The following PABPC4L variants were observed in gnomAD, a reference collection of about 807,000 sequenced individuals.
The protein encoded by PABPC4L is polyadenylate-binding protein 4-like.
For synonymous variants in PABPC4L, 169 were observed against 164.1 expected (o/e 1.03, Z -0.23); for missense variants, 452 against 451.4 (o/e 1.00, Z -0.01).
the PABPC4L span, among the ~76,000 whole-genome samples, chr4:134,091,106 G>A: frequency 6.6e-6 from 1 of 152,096 alleles, no homozygotes; most frequent in Non-Finnish European, 1.5e-5. Flanking sequence ...AGAGAAGACT[G>A]AGGTCATTAT....
At chr4:134,190,857 G>A in the PABPC4L span, among the ~76,000 whole-genome samples, 2 of 151,924 alleles carry the variant, frequency 1.3e-5, no homozygotes, top group African/African-American at 2.4e-5. Context: ...TCTCCACATT[G>A]GCCAGGCTGG....
the PABPC4L span, among the ~76,000 whole-genome samples, chr4:134,015,887 C>A: frequency 4.6e-5 from 7 of 152,162 alleles, no homozygotes; most frequent in African/African-American, 1.7e-4. Flanking sequence ...CTCTACAGTT[C>A]TCATAACTTC....
the PABPC4L span, among the ~76,000 whole-genome samples, chr4:134,014,663 G>A: frequency 5.7e-4 from 87 of 152,026 alleles, no homozygotes; most frequent in African/African-American, 1.7e-3. Flanking sequence ...CTGCCCGATC[G>A]CCTCAGAAGC....
At chr4:134,041,705 T>A in the PABPC4L span, among the ~76,000 whole-genome samples, 3 of 151,836 alleles carry the variant, frequency 2.0e-5, no homozygotes, top group African/African-American at 7.3e-5. Flanking sequence ...CCAGAACTTA[T>A]AGTATAATTA....
the PABPC4L span, among the ~76,000 whole-genome samples, chr4:134,056,686 T>C: frequency 6.6e-6 from 1 of 152,002 alleles, no homozygotes; most frequent in Admixed American, 6.6e-5. Context: ...TATCCACATA[T>C]TTACTACTAG....
At chr4:134,201,810 T>C (rs1729900444), upstream of PABPC4L, 1 of 152,112 alleles carries the variant, frequency 6.6e-6, no homozygotes, top group South Asian at 2.1e-4. Context: ...CTTTTTAATA[T>C]TTTTTTTAAG....
chr4:134,189,445 TATAC>T, the PABPC4L span, among the ~76,000 whole-genome samples: 1 of 152,126 alleles, frequency 6.6e-6, no homozygotes, highest in African/African-American at 2.4e-5. Flanking sequence ...GGTATATATG[TATAC>T]ATACATATAT....
chr4:133,957,086 C>T, the PABPC4L span, among the ~76,000 whole-genome samples: 1 of 152,102 alleles, frequency 6.6e-6, no homozygotes, highest in Admixed American at 6.5e-5. Flanking sequence ...TTACAACAGC[C>T]CCCAAATGCT....
At chr4:133,979,734 ACTGT>A in the PABPC4L span, among the ~76,000 whole-genome samples, 1 of 152,144 alleles carries the variant, frequency 6.6e-6, no homozygotes, top group African/African-American at 2.4e-5. Context: ...GCCTCATGTG[ACTGT>A]CTAAAATCTA....
the PABPC4L span, among the ~76,000 whole-genome samples, chr4:134,121,011 T>C: frequency 6.6e-6 from 1 of 151,372 alleles, no homozygotes; most frequent in East Asian, 1.9e-4. Flanking sequence ...TTCATTTTTG[T>C]CTATGTGTTT....
At chr4:134,136,876 A>T in the PABPC4L span, among the ~76,000 whole-genome samples, 1 of 151,982 alleles carries the variant, frequency 6.6e-6, no homozygotes, top group Non-Finnish European at 1.5e-5. Flanking sequence ...CTTCCCACTG[A>T]GGACAGTTTA....
At chr4:134,081,284 G>A in the PABPC4L span, among the ~76,000 whole-genome samples, 3 of 152,094 alleles carry the variant, frequency 2.0e-5, no homozygotes, top group Non-Finnish European at 2.9e-5. Context: ...GAGTTGCCCC[G>A]AAAGCAGCTG....
the PABPC4L span, among the ~76,000 whole-genome samples, chr4:134,187,249 G>T: frequency 2.6e-4 from 39 of 151,976 alleles, no homozygotes; most frequent in African/African-American, 8.7e-4. Flanking sequence ...CACACGTATG[G>T]TTATTGTGGC....
chr4:134,193,391 A>AT (rs1350408015), downstream of PABPC4L, among the ~76,000 whole-genome samples: 11 of 151,960 alleles, frequency 7.2e-5, no homozygotes, highest in East Asian at 1.7e-3. Context: ...AAAATAATAT[A>AT]TTTTTTAAAA....
chr4:134,074,917 G>A, the PABPC4L span, among the ~76,000 whole-genome samples: 2 of 152,098 alleles, frequency 1.3e-5, no homozygotes, highest in African/African-American at 4.8e-5. Context: ...GGGGATTAGG[G>A]GAACTACAAT....
At chr4:134,186,310 C>A in the PABPC4L span, among the ~76,000 whole-genome samples, 1 of 152,080 alleles carries the variant, frequency 6.6e-6, no homozygotes, top group Non-Finnish European at 1.5e-5. Context: ...CTACAGTAAC[C>A]AAAACAGCAT....
At position 134,200,888 on chromosome 4, in the gene PABPC4L, G is replaced by A. The variant is rs1344992296; in HGVS notation, c.132C>T (p.Asp44=). The change falls in exon 2 of 2, where the codon GAC becomes GAT. Residue 44 remains aspartate, a synonymous_variant. Coordinates refer to ENST00000421491, the MANE Select transcript of PABPC4L (RefSeq NM_001114734.2). ...GPVLSIRICR[D]QVTRRSLGYA... ...AGCCCAGAGAGCGGCGGGTGACCTG[G>A]TCCCTGCAAATGCGGATGGACAGCA... 2 of 1,558,646 alleles carry A rather than the reference G, an allele frequency of 1.3e-6. No individual in the cohort carries two copies. The highest frequency in any genetic ancestry group is 1.4e-5 in the African/African-American group (1 of 73,424).
chr4:134,015,420 A>T, the PABPC4L span, among the ~76,000 whole-genome samples: 1 of 152,094 alleles, frequency 6.6e-6, no homozygotes, highest in Non-Finnish European at 1.5e-5. Context: ...GATCTCAAAC[A>T]TGCTTTCTTT....
chr4:133,984,302 G>C, the PABPC4L span, among the ~76,000 whole-genome samples: 1 of 151,856 alleles, frequency 6.6e-6, no homozygotes, highest in East Asian at 1.9e-4. Flanking sequence ...TTGGAAGAGA[G>C]ACAATATTGA....
Sources: allele counts gnomAD v4.1 joint callset (sites outside exome capture counted in the v4.1 genomes callset), GRCh38; gene constraint gnomAD v4.1.1; transcripts MANE v1.5; gene names NCBI Gene and HGNC (gene_info 2026-07-23, HGNC 2026-07-21).